Variants in UNC5D observed in about 807,000 individuals in gnomAD.
UNC5D encodes netrin receptor UNC5D.
In UNC5D, 39 loss-of-function variants were observed where a neutral mutation model predicts 105.4. The observed-to-expected ratio is 0.37, with a 90% CI of 0.29 to 0.48. The LOEUF (loss-of-function observed/expected upper bound fraction) is 0.48. Among genes scored for constraint, UNC5D ranks in the 20% least tolerant of loss-of-function variants. UNC5D has a pLI of 0.98. For synonymous variants in UNC5D, 452 were observed against 450.4 expected, an observed-to-expected ratio of 1.00 and a Z score of -0.04; for missense variants, 991 against 1,202.4, an observed-to-expected ratio of 0.82 and a Z score of 2.60.
At chr8:35,533,717 C>A (rs1586069470) in intron 1 of UNC5D, among the ~76,000 whole-genome samples, 1 of 152,220 alleles carries the variant, frequency 6.6e-6, no homozygotes, top group South Asian at 2.1e-4. Flanking sequence ...GGCGTAGGAC[C>A]CTCCGAGCCA....
chr8:35,472,505 G>A (rs1416573324), intron 1 of UNC5D, among the ~76,000 whole-genome samples: 1 of 152,080 alleles, frequency 6.6e-6, no homozygotes, highest in Non-Finnish European at 1.5e-5. Context: ...TAAGCAACCA[G>A]GTGAACTATA....
At chr8:35,581,296 G>A (rs1379945010) in intron 3 of UNC5D, among the ~76,000 whole-genome samples, 1 of 152,024 alleles carries the variant, frequency 6.6e-6, no homozygotes, top group Non-Finnish European at 1.5e-5. Flanking sequence ...CCAGGGCTTT[G>A]TTTGCTGTCT....
rs757621472 is a variant in UNC5D, at chr8:35,262,530, G to A, written c.103+26643G>A. On this transcript the variant is annotated intron_variant, in intron 1 of 16. Coordinates refer to ENST00000404895, the MANE Select transcript of UNC5D (RefSeq NM_080872.4). ...CCTTTCCAGCACAGTTCAATGTAAGGCATTGTATTCAGTAGGAAACAGACT... is the reference window on the plus strand; with the variant it reads ...CCTTTCCAGCACAGTTCAATGTAAGACATTGTATTCAGTAGGAAACAGACT... 6.6e-5 allele frequency among the ~76,000 whole-genome samples: 10 copies of A among 152,224 alleles called. No individual in the cohort carries two copies. In the South Asian group the frequency reaches 8.3e-4, roughly 13 times the overall value.
chr8:35,538,932 G>T (rs1021290071), intron 1 of UNC5D, among the ~76,000 whole-genome samples: 1 of 152,032 alleles, frequency 6.6e-6, no homozygotes, highest in Non-Finnish European at 1.5e-5. Context: ...TAGAATTGAA[G>T]CTTCAGAGGG....
intron 7 of UNC5D, among the ~76,000 whole-genome samples, chr8:35,689,476 A>G (rs1333733591): frequency 4.6e-5 from 7 of 152,212 alleles, no homozygotes; most frequent in African/African-American, 1.4e-4. Context: ...GAAGAGTGCA[A>G]TGGAGAGATA....
At chr8:35,289,786 A>G (rs1259181292) in intron 1 of UNC5D, among the ~76,000 whole-genome samples, 1 of 152,144 alleles carries the variant, frequency 6.6e-6, no homozygotes, top group Non-Finnish European at 1.5e-5. Flanking sequence ...AGGTATATGA[A>G]CAAATGCTCA....
At chr8:35,308,530 G>A (rs1025173375) in intron 1 of UNC5D, among the ~76,000 whole-genome samples, 3 of 152,062 alleles carry the variant, frequency 2.0e-5, no homozygotes, top group African/African-American at 7.2e-5. Flanking sequence ...GGTCCCCAGT[G>A]CCGTTCAGTG....
intron 11 of UNC5D, among the ~76,000 whole-genome samples, chr8:35,734,934 C>T (rs1829388310): frequency 6.6e-6 from 1 of 151,948 alleles, no homozygotes; most frequent in Non-Finnish European, 1.5e-5. Flanking sequence ...CAGGCACCCG[C>T]CATCACACCT....
Position 35,759,485 on chromosome 8 carries a change from G to A in UNC5D, c.2313+16G>A, listed in dbSNP as rs755355020. On this transcript the variant is annotated intron_variant, in intron 14 of 16. Coordinates refer to ENST00000404895, the MANE Select transcript of UNC5D (RefSeq NM_080872.4). ...TGCCTGCCAGGTACTGGCCAAATGG[G>A]TTTCTAACAGAAACGGCTTTGCTTT... 6.2e-7 allele frequency: 1 copy of A among 1,600,964 alleles called. No homozygotes were observed. Among genetic ancestry groups the A allele is most frequent in the Non-Finnish European group, 8.5e-7 (1 of 1,176,352 alleles).
chr8:35,300,265 T>G (rs1185476121), intron 1 of UNC5D, among the ~76,000 whole-genome samples: 1 of 151,826 alleles, frequency 6.6e-6, no homozygotes, highest in African/African-American at 2.4e-5. Context: ...CTGGCCAACA[T>G]GGCAAAACGC....
At chr8:35,700,897 A>AGAT (rs749071201) in intron 7 of UNC5D, among the ~76,000 whole-genome samples, 4 of 152,218 alleles carry the variant, frequency 2.6e-5, no homozygotes, top group Non-Finnish European at 5.9e-5. Flanking sequence ...GCCAGAGAAT[A>AGAT]GATACAAAAG....
At chr8:35,650,448 C>T (rs909743627) in intron 4 of UNC5D, among the ~76,000 whole-genome samples, 4 of 152,044 alleles carry the variant, frequency 2.6e-5, no homozygotes, top group Non-Finnish European at 5.9e-5. Context: ...GGAAACATTG[C>T]AGAAAGGAAC....
chr8:35,742,254 GAA>G (rs57750054), intron 11 of UNC5D, among the ~76,000 whole-genome samples: 2 of 131,192 alleles, frequency 1.5e-5, no homozygotes, highest in African/African-American at 2.7e-5. Context: ...CTGACTCCAA[GAA>G]AAAAAAAAAA....
At chr8:35,289,196 G>A (rs573633631) in intron 1 of UNC5D, among the ~76,000 whole-genome samples, 23 of 152,230 alleles carry the variant, frequency 1.5e-4, no homozygotes, top group African/African-American at 4.3e-4. Context: ...CTAAAAGGGA[G>A]CAATGATAAC....
chr8:35,362,018 A>C (rs1480006984), intron 1 of UNC5D, among the ~76,000 whole-genome samples: 3 of 152,322 alleles, frequency 2.0e-5, no homozygotes, highest in African/African-American at 7.2e-5. Context: ...ATCTTGATAC[A>C]TCTTAACATT....
At chr8:35,760,539 C>T (rs989260038) in intron 14 of UNC5D, among the ~76,000 whole-genome samples, 3 of 152,076 alleles carry the variant, frequency 2.0e-5, no homozygotes, top group African/African-American at 7.2e-5. Flanking sequence ...CTGAAGTCTA[C>T]GAAAATTCCC....
At chr8:35,254,154 G>A (rs1803911125) in intron 1 of UNC5D, among the ~76,000 whole-genome samples, 1 of 152,072 alleles carries the variant, frequency 6.6e-6, no homozygotes, top group African/African-American at 2.4e-5. Context: ...TAAACTTTTG[G>A]AAGCAGGAAG....
At chr8:35,728,095 A>AATATATATATATATATATAT (rs1554596595) in intron 10 of UNC5D, among the ~76,000 whole-genome samples, 1 of 110,362 alleles carries the variant, frequency 9.1e-6, no homozygotes, top group African/African-American at 5.5e-5. Context: ...AAAAAAAAAA[A>AATATATATATATATATATAT]ATATATATAT....
chr8:35,364,128 T>C (rs1801985843), intron 1 of UNC5D, among the ~76,000 whole-genome samples: 1 of 152,202 alleles, frequency 6.6e-6, no homozygotes. Context: ...GTCATGCCAC[T>C]GCACTTCAGC....
Sources: gnomAD v4.1 joint callset for allele counts (sites outside exome capture counted in the v4.1 genomes callset) on GRCh38, gnomAD v4.1.1 for gene constraint, MANE v1.5 for transcripts, NCBI Gene and HGNC (gene_info 2026-07-23, HGNC 2026-07-21) for gene names.